Variants in TFDP1 observed in about 807,000 individuals in gnomAD.
TFDP1 encodes the protein DRTF1-polypeptide 1.
Under a neutral mutation model 48.0 loss-of-function variants are expected in TFDP1, and 6 were observed. The ratio of observed to expected loss-of-function variants is 0.13; its 90% CI spans 0.07 to 0.25. The LOEUF (loss-of-function observed/expected upper bound fraction) is 0.25. Ranked by LOEUF, TFDP1 falls within the 10% of genes least tolerant of loss-of-function variation. The pLI is 1.00. For synonymous variants in TFDP1, 201 were observed against 211.6 expected, an observed-to-expected ratio of 0.95 and a Z score of 0.44; for missense variants, 335 against 543.0, an observed-to-expected ratio of 0.62 and a Z score of 3.81.
In TFDP1 at chr13:113,631,759, C is replaced by G; in HGVS notation, c.308+15C>G. The stretch of plus-strand genomic sequence containing the variant: ...TGGTCTGCCGGGTGAGCACTTCCCT[C>G]TGGACCCTTAGAGTTGTAGGACTGC... On this transcript the variant is annotated intron_variant, in intron 5 of 11. Coordinates refer to ENST00000375370, the MANE Select transcript of TFDP1 (RefSeq NM_007111.5). 6.2e-7 allele frequency: 1 copy of G among 1,613,490 alleles called. No individual in the cohort carries two copies. Among genetic ancestry groups the G allele is most frequent in the Non-Finnish European group, 8.5e-7 (1 of 1,179,712 alleles).
rs1039215196 is a variant in TFDP1, at chr13:113,607,376, C to G, written c.13-3620C>G. The stretch of plus-strand genomic sequence containing the variant: ...GGCCAAGGCTGTGGATTTTGAAGTG[C>G]TGTCTGCCATTTCCACTTTCAGAAG... On this transcript the variant is annotated intron_variant, in intron 2 of 11. Coordinates refer to ENST00000375370, the MANE Select transcript of TFDP1 (RefSeq NM_007111.5). This position sits in a 1 kb window ranked among gnomAD's most constrained non-coding sequence, Gnocchi z 5.2. 6.6e-6 allele frequency among the ~76,000 whole-genome samples: 1 copy of G among 152,262 alleles called. No homozygotes were observed. The highest frequency in any genetic ancestry group is 1.5e-5 in the Non-Finnish European group (1 of 68,042).
intron 2 of TFDP1, among the ~76,000 whole-genome samples, chr13:113,601,699 G>C (rs560736627): frequency 4.7e-4 from 71 of 152,364 alleles, no homozygotes; most frequent in African/African-American, 1.6e-3. Context: ...CCCAGAGGAA[G>C]GGCCTGTGGC....
chr13:113,595,255 A>G (rs567656013), intron 2 of TFDP1, among the ~76,000 whole-genome samples: 125 of 152,234 alleles, frequency 8.2e-4, no homozygotes, highest in Non-Finnish European at 1.1e-3. Context: ...CTCTGGACTG[A>G]ACGCCCCTTC....
chr13:113,621,693 G>A (rs916241751), intron 3 of TFDP1, among the ~76,000 whole-genome samples: 7 of 152,208 alleles, frequency 4.6e-5, no homozygotes, highest in African/African-American at 1.7e-4. Flanking sequence ...TAGCGGTAAC[G>A]CCAGCGTCTG....
chr13:113,634,288 T>C, intron 7 of TFDP1: 2 of 644,330 alleles, frequency 3.1e-6, no homozygotes, highest in Non-Finnish European at 5.5e-6. Context: ...GGGATTTTTG[T>C]TTTCTTTTTA....
At chr13:113,638,387 CAT>C (rs1208400078) in intron 11 of TFDP1, among the ~76,000 whole-genome samples, 2 of 151,774 alleles carry the variant, frequency 1.3e-5, no homozygotes, top group African/African-American at 4.8e-5. Context: ...CATCTATGGT[CAT>C]AGCGCATGTA....
chr13:113,608,290 G>T (rs1027892774), intron 2 of TFDP1, among the ~76,000 whole-genome samples: 2 of 152,238 alleles, frequency 1.3e-5, no homozygotes, highest in African/African-American at 4.8e-5. Flanking sequence ...TTTAGCAGGC[G>T]CTCATGCTCA....
At chr13:113,608,349 C>T (rs1334660239) in intron 2 of TFDP1, among the ~76,000 whole-genome samples, 1 of 152,224 alleles carries the variant, frequency 6.6e-6, no homozygotes, top group East Asian at 1.9e-4. Context: ...AAAATGGCTT[C>T]AGAGCCTGAA....
rs987047530 is a variant in TFDP1, at chr13:113,598,487, G to T, written c.13-12509G>T. Among the ~76,000 whole-genome samples, 1 of 152,108 alleles carries T rather than the reference G, an allele frequency of 6.6e-6. No individual in the cohort carries two copies. Among genetic ancestry groups the T allele is most frequent in the Non-Finnish European group, 1.5e-5 (1 of 68,018 alleles). Reference sequence around the variant, plus strand: ...TGAGTGGATGGGCCCCACCCTCTGTGCCTGCTGGGGCTTCAGAATCCACTG... The same window carrying T: ...TGAGTGGATGGGCCCCACCCTCTGTTCCTGCTGGGGCTTCAGAATCCACTG... On this transcript the variant is annotated intron_variant, in intron 2 of 11. Transcript: ENST00000375370. This position sits in a 1 kb window ranked among gnomAD's most constrained non-coding sequence, Gnocchi z 4.2.
chr13:113,596,098 A>G (rs1267070279), intron 2 of TFDP1, among the ~76,000 whole-genome samples: 1 of 152,154 alleles, frequency 6.6e-6, no homozygotes, highest in Non-Finnish European at 1.5e-5. Context: ...AAAAAGTATT[A>G]ATGGCTCGGA....
intron 2 of TFDP1, among the ~76,000 whole-genome samples, chr13:113,606,905 T>G (rs760453721): frequency 2.6e-5 from 4 of 151,902 alleles, no homozygotes; most frequent in Non-Finnish European, 5.9e-5. Context: ...TCCTTTTAGG[T>G]TGGATTTCCT....
chr13:113,631,879 A>G (rs2049346326), intron 5 of TFDP1, 135 bp downstream of exon 5: 1 of 1,260,568 alleles, frequency 7.9e-7, no homozygotes, highest in Non-Finnish European at 1.1e-6. Context: ...TCCGAATCAC[A>G]CTCACCCATC....
intron 2 of TFDP1, among the ~76,000 whole-genome samples, chr13:113,599,924 C>G (rs1336956052): frequency 6.6e-6 from 1 of 151,194 alleles, no homozygotes; most frequent in Non-Finnish European, 1.5e-5. Flanking sequence ...GGCTCCAGAA[C>G]CGTGAGAGAG....
intron 10 of TFDP1, chr13:113,637,343 A>C: frequency 3.1e-6 from 1 of 319,844 alleles, no homozygotes; most frequent in Non-Finnish European, 6.1e-6. Context: ...TTCCTCCCTG[A>C]GCTCTTAGAC....
In TFDP1 at chr13:113,636,013, C is replaced by T; in HGVS notation, c.724C>T (p.His242Tyr). 2 of 1,614,156 alleles carry T rather than the reference C, an allele frequency of 1.2e-6. No individual in the cohort carries two copies. The highest frequency in any genetic ancestry group is 1.6e-4 in the Middle Eastern group (1 of 6,062). ...CAAGAACCTGGTGCAGAGAAACCGG[C>T]ATGCGGAGCAGCAGGCCAGCCGGCC... ...AFKNLVQRNR[H>Y]AEQQASRPPP... Residue 242 changes from histidine to tyrosine, a missense_variant, in exon 9 of 12, where the codon CAT becomes TAT. This residue lies in a region of TFDP1 where 204 missense variants were observed against 287.1 expected (regional missense o/e 0.71). Coordinates refer to ENST00000375370, the MANE Select transcript of TFDP1 (RefSeq NM_007111.5).
chr13:113,593,961 C>A (rs1028460182), intron 2 of TFDP1, among the ~76,000 whole-genome samples: 11 of 137,084 alleles, frequency 8.0e-5, no homozygotes, highest in Admixed American at 1.5e-4. Context: ...TGGGTCCTCA[C>A]CCTGCCCAGG....
In TFDP1 at chr13:113,623,150, C is replaced by G. The variant is rs1265974966; in HGVS notation, c.80-30C>G. ...TAGCCTTAACTTAGAAAAGGAGTCT[C>G]GCCCTTGACCTGGTGTCCTTGTGTT... On this transcript the variant is annotated intron_variant, in intron 3 of 11. Coordinates refer to ENST00000375370, the MANE Select transcript of TFDP1 (RefSeq NM_007111.5). This position sits in a 1 kb window ranked among gnomAD's most constrained non-coding sequence, Gnocchi z 5.2. 1.9e-6 allele frequency: 3 copies of G among 1,588,544 alleles called. No homozygotes were observed. Among genetic ancestry groups the G allele is most frequent in the Non-Finnish European group, 2.6e-6 (3 of 1,163,232 alleles).
Position 113,633,855 on chromosome 13 carries a change from G to C in TFDP1, c.475-35G>C, listed in dbSNP as rs773016455. On this transcript the variant is annotated intron_variant, in intron 6 of 11. Transcript: ENST00000375370. The surrounding 1 kb of genome is among the most constrained non-coding windows in gnomAD (Gnocchi z 4.5). ...GTTTAAGGATCCACCGGCCTTTTTGGATCATTTGGAAACTCCACTCCCTGT... is the reference window on the plus strand; with the variant it reads ...GTTTAAGGATCCACCGGCCTTTTTGCATCATTTGGAAACTCCACTCCCTGT... The C allele has an allele frequency of 3.0e-5, 47 of 1,577,696 alleles. No individual in the cohort carries two copies. Among genetic ancestry groups the C allele is most frequent in the Non-Finnish European group, 3.9e-5 (45 of 1,162,358 alleles).
At chr13:113,620,908 A>G (rs1319336183) in intron 3 of TFDP1, among the ~76,000 whole-genome samples, 1 of 152,250 alleles carries the variant, frequency 6.6e-6, no homozygotes, top group South Asian at 2.1e-4. Context: ...ATCAAAAGGC[A>G]AATGTCTTTT....
Sources: allele counts gnomAD v4.1 joint callset (sites outside exome capture counted in the v4.1 genomes callset), GRCh38; gene constraint gnomAD v4.1.1; regional missense constraint gnomAD v4.1.1; non-coding constraint Gnocchi (gnomAD v3.1); transcripts MANE v1.5; gene names NCBI Gene and HGNC (gene_info 2026-07-23, HGNC 2026-07-21).